Variants in PLCL2 observed in about 807,000 individuals in gnomAD.
PLCL2 encodes inactive phospholipase C-like protein 2.
In PLCL2, 4 loss-of-function variants were observed where a neutral mutation model predicts 79.6. The observed-to-expected ratio is 0.05, with a 90% confidence interval of 0.02 to 0.11. The LOEUF is 0.11. PLCL2 is among the 10% of genes least tolerant of loss of function. The pLI is 1.00. For missense variants in PLCL2, 895 were observed against 1,291.0 expected (o/e 0.69, Z 4.70); for synonymous variants, 484 against 457.7 (o/e 1.06, Z -0.73).
intron 1 of PLCL2, among the ~76,000 whole-genome samples, chr3:16,967,400 C>T (rs1277307493): frequency 6.6e-6 from 1 of 151,980 alleles, no homozygotes; most frequent in African/African-American, 2.4e-5. Context: ...TAAAGCATTC[C>T]CTTTTCTCTG....
intron 1 of PLCL2, among the ~76,000 whole-genome samples, chr3:16,965,877 C>T (rs1412243603): frequency 6.6e-6 from 1 of 152,116 alleles, no homozygotes; most frequent in Admixed American, 6.5e-5. Context: ...ATTTTGTATC[C>T]TGAGACTTTG....
At chr3:16,991,045 G>A (rs533019432) in intron 1 of PLCL2, among the ~76,000 whole-genome samples, 156 of 152,322 alleles carry the variant, frequency 1.0e-3, no homozygotes, top group Admixed American at 1.2e-3. Flanking sequence ...GCAGAGAGAG[G>A]AGGAGGGAAC....
intron 3 of PLCL2, among the ~76,000 whole-genome samples, chr3:17,038,780 G>A (rs2064687031): frequency 6.6e-6 from 1 of 152,164 alleles, no homozygotes. Context: ...CCTTTTAGGA[G>A]TTACAAAATT....
At chr3:17,079,555 A>C (rs529928322) in intron 5 of PLCL2, among the ~76,000 whole-genome samples, 1 of 151,880 alleles carries the variant, frequency 6.6e-6, no homozygotes, top group Admixed American at 6.5e-5. Context: ...AGTCACGGTC[A>C]CTCCTCTGTG....
In PLCL2 at chr3:17,056,865, G is replaced by A. The variant is rs531012431; in HGVS notation, c.3095-11091G>A. Among the ~76,000 whole-genome samples the A allele has an allele frequency of 1.4e-3, 217 of 152,276 alleles. 1 individual carries two copies. Among genetic ancestry groups the A allele is most frequent in the African/African-American group, 5.0e-3 (209 of 41,544 alleles). ...AGAGGCTTTTGTTGTTAGGAAAGGAGGTGGAGCTTGAACTAGGGGCTTGAG... is the reference window on the plus strand; with the variant it reads ...AGAGGCTTTTGTTGTTAGGAAAGGAAGTGGAGCTTGAACTAGGGGCTTGAG... On this transcript the variant is annotated intron_variant, in intron 4 of 5. Transcript: ENST00000615277.
intron 1 of PLCL2, among the ~76,000 whole-genome samples, chr3:16,898,379 A>G (rs1480525289): frequency 6.6e-6 from 1 of 152,150 alleles, no homozygotes; most frequent in Non-Finnish European, 1.5e-5. Flanking sequence ...TTCCTACAGC[A>G]TAATTAGCCA....
chr3:17,019,795 G>T (rs2064428722), intron 3 of PLCL2, among the ~76,000 whole-genome samples: 1 of 150,824 alleles, frequency 6.6e-6, no homozygotes, highest in South Asian at 2.1e-4. Flanking sequence ...GAAAACAAAA[G>T]TTTATTTTAC....
intron 4 of PLCL2, among the ~76,000 whole-genome samples, chr3:17,063,165 G>T (rs1268214121): frequency 2.8e-5 from 4 of 144,272 alleles, no homozygotes; most frequent in Non-Finnish European, 6.0e-5. Flanking sequence ...TATTAAATAT[G>T]TAGGTTTTTC....
At chr3:16,997,634 G>A (rs529307869) in intron 1 of PLCL2, among the ~76,000 whole-genome samples, 1 of 151,938 alleles carries the variant, frequency 6.6e-6, no homozygotes, top group East Asian at 1.9e-4. Context: ...CACCTCCGGG[G>A]TTCAAGCAAT....
intron 5 of PLCL2, among the ~76,000 whole-genome samples, chr3:17,082,514 AG>A (rs2124955577): frequency 6.6e-6 from 1 of 152,278 alleles, no homozygotes; most frequent in East Asian, 1.9e-4. Context: ...ACAAAATGAA[AG>A]TGATGTGGAC....
intron 3 of PLCL2, among the ~76,000 whole-genome samples, chr3:17,023,747 T>C (rs1248313558): frequency 6.6e-6 from 1 of 152,212 alleles, no homozygotes; most frequent in Non-Finnish European, 1.5e-5. Context: ...TTTTCAAGTC[T>C]ATCATTTTGG....
At chr3:17,019,842 A>G (rs1277992375) in intron 3 of PLCL2, among the ~76,000 whole-genome samples, 2 of 152,194 alleles carry the variant, frequency 1.3e-5, no homozygotes, top group Non-Finnish European at 2.9e-5. Context: ...TACACCCACT[A>G]TTGACAATCA....
chr3:17,076,695 G>A (rs556195387), intron 5 of PLCL2, among the ~76,000 whole-genome samples: 76 of 152,126 alleles, frequency 5.0e-4, no homozygotes, highest in Middle Eastern at 6.8e-3. Context: ...TAGAGACTAG[G>A]TTTTGCCATG....
chr3:17,054,486 C>T (rs1160351864), intron 4 of PLCL2, among the ~76,000 whole-genome samples: 6 of 152,112 alleles, frequency 3.9e-5, no homozygotes. Flanking sequence ...CCCTGCTTCT[C>T]AGTATCAGTT....
chr3:17,006,699 A>G lies in PLCL2; in HGVS notation c.328-2975A>G, dbSNP rs538594412. 2.0e-4 allele frequency among the ~76,000 whole-genome samples: 31 copies of G among 152,286 alleles called. No homozygotes were observed. The South Asian group carries it at 6.2e-3, about 31-fold the overall frequency. The stretch of plus-strand genomic sequence containing the variant: ...ATCTGCCCGTGGTTGGGTGGTCATC[A>G]TGTTCATGTGTCTGCAATTGATAAC... On this transcript the variant is annotated intron_variant, in intron 1 of 5. Transcript: ENST00000615277.
chr3:16,966,756 G>T (rs1057189385), intron 1 of PLCL2, among the ~76,000 whole-genome samples: 2 of 152,048 alleles, frequency 1.3e-5, no homozygotes, highest in African/African-American at 4.8e-5. Flanking sequence ...GAGGGTGTAT[G>T]TGTCCAGGAA....
At chr3:17,042,354 A>T (rs989117618) in intron 3 of PLCL2, among the ~76,000 whole-genome samples, 2 of 152,228 alleles carry the variant, frequency 1.3e-5, no homozygotes, top group Non-Finnish European at 2.9e-5. Flanking sequence ...ACATAAAAAT[A>T]CTAGTTTTAG....
At chr3:16,995,346 A>C (rs138456740) in intron 1 of PLCL2, among the ~76,000 whole-genome samples, 127 of 152,368 alleles carry the variant, frequency 8.3e-4, no homozygotes, top group African/African-American at 2.7e-3. Context: ...GTATTTGCAC[A>C]CAAAGGGGAA....
At chr3:16,964,655 A>G (rs1421865848) in intron 1 of PLCL2, among the ~76,000 whole-genome samples, 2 of 151,680 alleles carry the variant, frequency 1.3e-5, no homozygotes, top group Non-Finnish European at 2.9e-5. Flanking sequence ...AAGTGTTCCT[A>G]TTTCTCCACA....
Sources: gnomAD v4.1 joint callset for allele counts (sites outside exome capture counted in the v4.1 genomes callset) on GRCh38, gnomAD v4.1.1 for gene constraint, MANE v1.5 for transcripts, NCBI Gene and HGNC (gene_info 2026-07-23, HGNC 2026-07-21) for gene names.